The following CLCN3 variants were observed in gnomAD, a reference collection of about 807,000 sequenced individuals.
CLCN3 encodes the protein Cl-/H+ antiporter 3.
CLCN3 carries 16 observed loss-of-function variants against 83.4 expected under a neutral mutation model. The observed-to-expected ratio is 0.19, with a 90% CI of 0.13 to 0.29. The LOEUF is 0.29. Among genes scored for constraint, CLCN3 ranks in the 10% least tolerant of loss-of-function variants. The pLI is 1.00. For missense variants in CLCN3, 544 were observed against 1,006.0 expected, an observed-to-expected ratio of 0.54 and a Z score of 6.21; for synonymous variants, 322 against 346.2, an observed-to-expected ratio of 0.93 and a Z score of 0.78.
intron 2 of CLCN3, among the ~76,000 whole-genome samples, chr4:169,655,878 A>C (rs1730868384): frequency 6.6e-6 from 1 of 152,220 alleles, no homozygotes; most frequent in Admixed American, 6.5e-5. Context: ...GTAACCGGAT[A>C]GCTATATTGG....
At chr4:169,706,257 A>G (rs958204778) in intron 10 of CLCN3, among the ~76,000 whole-genome samples, 3 of 151,706 alleles carry the variant, frequency 2.0e-5, no homozygotes, top group African/African-American at 4.8e-5. Flanking sequence ...CTGGTCTCAA[A>G]CTCCTTGACT....
At chr4:169,628,673 A>G (rs1773294118) in intron 1 of CLCN3, among the ~76,000 whole-genome samples, 1 of 152,238 alleles carries the variant, frequency 6.6e-6, no homozygotes, top group Non-Finnish European at 1.5e-5. Context: ...AGGTCAAGAA[A>G]CTGGATCACT....
chr4:169,694,711 C>T (rs565838754), intron 7 of CLCN3, among the ~76,000 whole-genome samples: 5 of 152,162 alleles, frequency 3.3e-5, no homozygotes, highest in African/African-American at 7.2e-5. Flanking sequence ...TGGTGGCAGG[C>T]GCCTGTAATC....
At chr4:169,678,686 T>C (rs928920257) in intron 2 of CLCN3, among the ~76,000 whole-genome samples, 5 of 152,204 alleles carry the variant, frequency 3.3e-5, no homozygotes, top group Non-Finnish European at 7.3e-5. Flanking sequence ...CTTAATCCCT[T>C]TAACCCTGAG....
At chr4:169,718,146 T>C (rs1028363515) in intron 12 of CLCN3, among the ~76,000 whole-genome samples, 10 of 152,200 alleles carry the variant, frequency 6.6e-5, no homozygotes, top group African/African-American at 2.4e-4. Context: ...TAAGTGAATA[T>C]TATTGGACAT....
rs1581272284 is a variant in CLCN3 at position 169,704,319 on chromosome 4, A to G, written c.1750+135A>G. ...GGGTGCCAGGAGGAGATGTTTTAAC[A>G]GATAAGAAACAGTAGTACTATTAGG... is the stretch of plus-strand genomic sequence containing the variant. On this transcript the variant is annotated intron_variant, in intron 10 of 12. Coordinates refer to ENST00000513761, the MANE Select transcript of CLCN3 (RefSeq NM_001829.4). 4.8e-5 allele frequency: 34 copies of G among 709,098 alleles called. No individual in the cohort carries two copies. The East Asian group carries it at 9.3e-4, about 19-fold the overall frequency. 43.9% of individuals were successfully genotyped at this position (709,098 alleles called of 1,614,324 possible).
At chr4:169,635,852 A>T in intron 1 of CLCN3, 61 bp from the exon 2 acceptor site, 1 of 1,352,812 alleles carries the variant, frequency 7.4e-7, no homozygotes, top group Non-Finnish European at 9.9e-7. Context: ...TTGTGATGTT[A>T]AACTAGATGA....
At chr4:169,652,111 G>A (rs896953860) in intron 2 of CLCN3, among the ~76,000 whole-genome samples, 1 of 152,142 alleles carries the variant, frequency 6.6e-6, no homozygotes, top group South Asian at 2.1e-4. Flanking sequence ...TTATTACAAA[G>A]CAAGCATCTT....
chr4:169,705,742 G>A (rs1229383124), intron 10 of CLCN3, among the ~76,000 whole-genome samples: 1 of 152,144 alleles, frequency 6.6e-6, no homozygotes, highest in Non-Finnish European at 1.5e-5. Context: ...ATGAACTGAC[G>A]AGCCCTGGTA....
intron 1 of CLCN3, among the ~76,000 whole-genome samples, chr4:169,625,558 C>G (rs1267737871): frequency 6.6e-6 from 1 of 152,126 alleles, no homozygotes; most frequent in Non-Finnish European, 1.5e-5. Flanking sequence ...TCTTTATAGT[C>G]TGACCTGGAA....
At chr4:169,636,194 G>C (rs1016350251) in intron 2 of CLCN3, 106 bp downstream of exon 2, 1 of 1,003,860 alleles carries the variant, frequency 1.0e-6, no homozygotes, top group South Asian at 1.7e-5. Flanking sequence ...AAAAATTTGA[G>C]ATCAAATTTA....
chr4:169,647,485 T>G (rs1171207834), intron 2 of CLCN3, among the ~76,000 whole-genome samples: 1 of 152,044 alleles, frequency 6.6e-6, no homozygotes, highest in Non-Finnish European at 1.5e-5. Context: ...AGAGTAGAAA[T>G]ACAAGATGTG....
At chr4:169,716,438 T>C (rs1733425239) in intron 12 of CLCN3, among the ~76,000 whole-genome samples, 1 of 152,168 alleles carries the variant, frequency 6.6e-6, no homozygotes, top group African/African-American at 2.4e-5. Flanking sequence ...AAGAATTCAA[T>C]TGGTATTATA....
chr4:169,669,334 TGTA>T (rs1289039697), intron 2 of CLCN3, among the ~76,000 whole-genome samples: 9 of 152,004 alleles, frequency 5.9e-5, no homozygotes, highest in African/African-American at 2.2e-4. Flanking sequence ...TTGTTTAAAT[TGTA>T]GTATGTAGCC....
chr4:169,715,122 G>A (rs1417485036), intron 12 of CLCN3, among the ~76,000 whole-genome samples: 2 of 152,022 alleles, frequency 1.3e-5, no homozygotes, highest in African/African-American at 2.4e-5. Context: ...TTATTCTGTT[G>A]AGTTATGGTT....
chr4:169,691,185 GTT>G (rs1027346190), intron 6 of CLCN3, among the ~76,000 whole-genome samples: 1 of 142,978 alleles, frequency 7.0e-6, no homozygotes, highest in Non-Finnish European at 1.6e-5. Context: ...TTTTTTGTTT[GTT>G]TTTTTTTTTT....
At chr4:169,708,086 T>C (rs148393540) in intron 11 of CLCN3, among the ~76,000 whole-genome samples, 263 of 152,314 alleles carry the variant, frequency 1.7e-3, no homozygotes, top group Middle Eastern at 3.4e-3. Context: ...CCCCAGGTTT[T>C]AGTGCCAGAC....
chr4:169,634,857 A>G (rs1773466360), intron 1 of CLCN3, among the ~76,000 whole-genome samples: 2 of 152,186 alleles, frequency 1.3e-5, no homozygotes, highest in African/African-American at 2.4e-5. Flanking sequence ...CACCTTTTTC[A>G]AAGTGATCTT....
intron 2 of CLCN3, among the ~76,000 whole-genome samples, chr4:169,643,814 C>G (rs1036971320): frequency 3.9e-5 from 6 of 152,128 alleles, no homozygotes; most frequent in Admixed American, 2.0e-4. Context: ...GGGAAGCTGT[C>G]TGGCTCACAG....
Sources: allele counts gnomAD v4.1 joint callset (sites outside exome capture counted in the v4.1 genomes callset), GRCh38; gene constraint gnomAD v4.1.1; transcripts MANE v1.5; gene names NCBI Gene and HGNC (gene_info 2026-07-23, HGNC 2026-07-21).